CRTC3: variants seen among roughly 807,000 people sequenced by gnomAD.
CRTC3 encodes the protein CREB regulated transcription coactivator 3.
In CRTC3, 26 loss-of-function variants were observed where a neutral mutation model predicts 74.5. The observed-to-expected ratio is 0.35, with a 90% CI of 0.26 to 0.48. The LOEUF (loss-of-function observed/expected upper bound fraction) is 0.48, where lower values mean the gene tolerates loss of function less well. Ranked by LOEUF, CRTC3 falls within the 20% of genes least tolerant of loss-of-function variation. The probability of loss-of-function intolerance (pLI) is 0.99; values close to 1 mark genes in which losing one functional copy is unlikely to be tolerated. For synonymous variants in CRTC3, 377 were observed against 325.8 expected, an observed-to-expected ratio of 1.16 and a Z score of -1.69; for missense variants, 760 against 787.3, an observed-to-expected ratio of 0.97 and a Z score of 0.41.
chr15:90,530,152 C>T lies in CRTC3; in HGVS notation c.81C>T (p.Ala27=), dbSNP rs753634298. 6 of 1,443,236 alleles carry T rather than the reference C, an allele frequency of 4.2e-6. No homozygotes were observed. The Admixed American group carries it at 8.4e-5, about 20-fold the overall frequency. 89.4% of individuals were successfully genotyped at this position (1,443,236 alleles called of 1,614,324 possible). Residue 27 remains alanine (A), a synonymous_variant, in exon 1 of 15, where the codon GCC becomes GCT. Coordinates refer to ENST00000268184, the MANE Select transcript of CRTC3 (RefSeq NM_022769.5). This position sits in a 1 kb window ranked among gnomAD's most constrained non-coding sequence, Gnocchi z 6.2. ...TCGCGCTGCACACGCAGAGACAGGC[C>T]GAGGAGACGCGGGCCTTCGAGCAGC... ...EKIALHTQRQ[A]EETRAFEQLM... is the part of the protein sequence containing the mutation.
intron 2 of CRTC3, among the ~76,000 whole-genome samples, chr15:90,552,004 G>C (rs1022177513): frequency 6.8e-6 from 1 of 147,614 alleles, no homozygotes; most frequent in Non-Finnish European, 1.5e-5. Context: ...CCCTGTGAAG[G>C]TGTTGGGTGT....
At chr15:90,631,810 G>A (rs934936933) in intron 11 of CRTC3, among the ~76,000 whole-genome samples, 2 of 151,882 alleles carry the variant, frequency 1.3e-5, no homozygotes, top group African/African-American at 4.8e-5. Flanking sequence ...TTAAACTCCT[G>A]AGCTCAAGTG....
chr15:90,617,481 A>G (rs560405522), intron 7 of CRTC3, among the ~76,000 whole-genome samples: 1 of 152,320 alleles, frequency 6.6e-6, no homozygotes, highest in South Asian at 2.1e-4. Flanking sequence ...TTTTACAAAG[A>G]TAATTTGTTC....
At chr15:90,556,958 CTATA>C (rs6145675) in intron 2 of CRTC3, among the ~76,000 whole-genome samples, 2,416 of 130,256 alleles carry the variant, frequency 0.019, 38 homozygotes, top group African/African-American at 0.048. Flanking sequence ...CACCACATGG[CTATA>C]TATATATATA....
intron 1 of CRTC3, among the ~76,000 whole-genome samples, chr15:90,533,297 G>A (rs895218195): frequency 1.3e-5 from 2 of 149,858 alleles, no homozygotes; most frequent in Non-Finnish European, 3.0e-5. Flanking sequence ...CCAGCTACTC[G>A]GGAGGCTGCG....
At chr15:90,552,203 C>A (rs934164953) in intron 2 of CRTC3, among the ~76,000 whole-genome samples, 1 of 152,174 alleles carries the variant, frequency 6.6e-6, no homozygotes, top group Non-Finnish European at 1.5e-5. Context: ...AGTCAGCAGC[C>A]CAGTTAGTCC....
In CRTC3 at chr15:90,593,774, C is replaced by A; in HGVS notation, c.351+19C>A. ...GCGACAAATATCCTTTTTTACTCTT[C>A]AAAGGGAGTGTGCATTCTGAAATGT... On this transcript the variant is annotated intron_variant, in intron 3 of 14. Transcript: ENST00000268184. 1 of 1,580,134 alleles carries A rather than the reference C, an allele frequency of 6.3e-7. No homozygotes were observed. Among genetic ancestry groups the A allele is most frequent in the Non-Finnish European group, 8.7e-7 (1 of 1,153,818 alleles).
chr15:90,601,995 G>T (rs891951739), intron 3 of CRTC3, among the ~76,000 whole-genome samples: 1 of 152,110 alleles, frequency 6.6e-6, no homozygotes, highest in East Asian at 1.9e-4. Flanking sequence ...TAGAATCCTG[G>T]GCCTGGGTCC....
At chr15:90,541,586 A>G (rs901208651) in intron 2 of CRTC3, among the ~76,000 whole-genome samples, 1 of 152,122 alleles carries the variant, frequency 6.6e-6, no homozygotes, top group African/African-American at 2.4e-5. Flanking sequence ...TTAGTATCCA[A>G]ATAACATAGG....
intron 2 of CRTC3, among the ~76,000 whole-genome samples, chr15:90,592,043 A>G (rs575738377): frequency 1.2e-4 from 18 of 152,340 alleles, no homozygotes; most frequent in Admixed American, 8.5e-4. Flanking sequence ...CGGAACTGTT[A>G]GACTAATTTG....
At position 90,530,497 on chromosome 15, in the gene CRTC3, A is replaced by AG. The variant is rs1357134102; in HGVS notation, c.132+299dup. On this transcript the variant is annotated intron_variant, in intron 1 of 14. Transcript: ENST00000268184. The surrounding 1 kb of genome is among the most constrained non-coding windows in gnomAD (Gnocchi z 6.2). ...CGGGCGGCCGTGCGAGGGCGGCCTG[A>AG]GGGGGAGGAGGACGAGGAGCCCCGA... 3 of 152,416 alleles carry AG rather than the reference A, an allele frequency of 2.0e-5. No individual in the cohort carries two copies. Among genetic ancestry groups the AG allele is most frequent in the Non-Finnish European group, 4.4e-5 (3 of 68,394 alleles). The allele number at this position is 152,416 out of a possible 1,614,324, so 9.4% of individuals were successfully genotyped here. A position where few individuals can be genotyped will look rare whatever the true frequency, so the allele number is the denominator to read the frequency against.
chr15:90,540,274 ATT>A (rs1379854034), intron 2 of CRTC3, 137 bp downstream of exon 2: 1 of 608,464 alleles, frequency 1.6e-6, no homozygotes, highest in African/African-American at 1.9e-5. Context: ...GTCCATTAAT[ATT>A]CTCTCTCATA....
intron 7 of CRTC3, among the ~76,000 whole-genome samples, chr15:90,617,275 T>A (rs4932356): frequency 0.21 from 31,610 of 152,126 alleles, 3,387 homozygotes; most frequent in Non-Finnish European, 0.23. Flanking sequence ...CCACTCGTTT[T>A]TTCCTTCAGT....
chr15:90,626,551 G>C (rs542358193), intron 10 of CRTC3, among the ~76,000 whole-genome samples: 1 of 151,620 alleles, frequency 6.6e-6, no homozygotes, highest in South Asian at 2.1e-4. Context: ...CTCTGGGTTT[G>C]ATTGTCCACA....
intron 2 of CRTC3, among the ~76,000 whole-genome samples, chr15:90,549,359 G>A (rs1567162219): frequency 6.6e-6 from 1 of 151,570 alleles, no homozygotes; most frequent in Non-Finnish European, 1.5e-5. Context: ...TAAATTCTCA[G>A]TAAATTAAAA....
chr15:90,571,783 G>A (rs978776937), intron 2 of CRTC3, among the ~76,000 whole-genome samples: 2 of 152,058 alleles, frequency 1.3e-5, no homozygotes, highest in African/African-American at 4.8e-5. Flanking sequence ...AGTTTTCTGG[G>A]AAGTATATGC....
intron 11 of CRTC3, among the ~76,000 whole-genome samples, chr15:90,635,842 C>T (rs941850554): frequency 2.0e-5 from 3 of 152,028 alleles, no homozygotes; most frequent in Non-Finnish European, 4.4e-5. Flanking sequence ...AGGAATCCAA[C>T]TTATAAGGGA....
intron 2 of CRTC3, among the ~76,000 whole-genome samples, chr15:90,544,629 G>A (rs915159107): frequency 6.6e-6 from 1 of 152,138 alleles, no homozygotes; most frequent in African/African-American, 2.4e-5. Flanking sequence ...CAGTTTTTAT[G>A]TAAGTAGCTA....
At chr15:90,551,944 GCACACACA>G (rs5814439) in intron 2 of CRTC3, among the ~76,000 whole-genome samples, 27 of 129,250 alleles carry the variant, frequency 2.1e-4, no homozygotes, top group Non-Finnish European at 2.3e-4. Context: ...ACACACACAC[GCACACACA>G]CACACACACA....
Sources: allele counts gnomAD v4.1 joint callset (sites outside exome capture counted in the v4.1 genomes callset), GRCh38; gene constraint gnomAD v4.1.1; non-coding constraint Gnocchi (gnomAD v3.1); transcripts MANE v1.5; gene names NCBI Gene and HGNC (gene_info 2026-07-23, HGNC 2026-07-21).